Variants in SULF1 observed in about 807,000 individuals in gnomAD.
SULF1 encodes sulfatase 1, also known as extracellular sulfatase Sulf-1.
Under a neutral mutation model 110.5 loss-of-function variants are expected in SULF1, and 46 were observed. The ratio of observed to expected loss-of-function variants is 0.42; its 90% CI spans 0.33 to 0.53. SULF1 has a LOEUF of 0.53. Ranked by LOEUF, SULF1 falls within the 20% of genes least tolerant of loss-of-function variation. The pLI is 0.12. For synonymous variants in SULF1, 371 were observed against 387.1 expected, an observed-to-expected ratio of 0.96 and a Z score of 0.49; for missense variants, 941 against 1,094.2, an observed-to-expected ratio of 0.86 and a Z score of 1.98.
chr8:69,506,002 C>T (rs755317382), intron 3 of SULF1, among the ~76,000 whole-genome samples: 1 of 151,686 alleles, frequency 6.6e-6, no homozygotes, highest in South Asian at 2.1e-4. Context: ...TATTGTTGGC[C>T]TACAAAAGCA....
At chr8:69,516,268 G>A (rs1232481612) in intron 3 of SULF1, among the ~76,000 whole-genome samples, 7 of 152,126 alleles carry the variant, frequency 4.6e-5, no homozygotes, top group African/African-American at 1.7e-4. Context: ...CATGGTTGGG[G>A]GAGGCCTCAG....
chr8:69,532,255 A>G (rs1813138136), intron 3 of SULF1, among the ~76,000 whole-genome samples: 1 of 152,220 alleles, frequency 6.6e-6, no homozygotes, highest in African/African-American at 2.4e-5. Flanking sequence ...TGGTCTTGTA[A>G]GGAAACAAGT....
At chr8:69,477,654 C>T (rs1273866883) in intron 1 of SULF1, among the ~76,000 whole-genome samples, 1 of 152,092 alleles carries the variant, frequency 6.6e-6, no homozygotes, top group Non-Finnish European at 1.5e-5. Context: ...CAGGGTGGTA[C>T]AGTGGAAAGA....
intron 6 of SULF1, among the ~76,000 whole-genome samples, chr8:69,576,463 A>G (rs911941003): frequency 7.9e-5 from 12 of 152,222 alleles, no homozygotes; most frequent in African/African-American, 2.7e-4. Flanking sequence ...TTGTTCATTC[A>G]TAATTAATAG....
At chr8:69,531,187 A>C (rs1813058135) in intron 3 of SULF1, among the ~76,000 whole-genome samples, 1 of 152,216 alleles carries the variant, frequency 6.6e-6, no homozygotes. Context: ...GAACATGCCT[A>C]GCTCATGCCT....
At chr8:69,508,769 T>A (rs1811363499) in intron 3 of SULF1, among the ~76,000 whole-genome samples, 1 of 152,152 alleles carries the variant, frequency 6.6e-6, no homozygotes, top group East Asian at 1.9e-4. Flanking sequence ...CCCAGGAGAT[T>A]AAATCCATCC....
chr8:69,579,632 G>T (rs1805924973), intron 6 of SULF1, among the ~76,000 whole-genome samples: 2 of 151,348 alleles, frequency 1.3e-5, no homozygotes, highest in Admixed American at 6.6e-5. Flanking sequence ...ATTTATCCTT[G>T]ATGGGAAAAC....
intron 13 of SULF1, among the ~76,000 whole-genome samples, chr8:69,617,101 T>C (rs949523939): frequency 6.6e-6 from 1 of 151,996 alleles, no homozygotes; most frequent in Non-Finnish European, 1.5e-5. Flanking sequence ...TCCCAAACTT[T>C]GCAAAGTTAC....
intron 8 of SULF1, among the ~76,000 whole-genome samples, chr8:69,595,774 T>C (rs1807260967): frequency 6.6e-6 from 1 of 152,178 alleles, no homozygotes; most frequent in Non-Finnish European, 1.5e-5. Context: ...ACTAGAAATA[T>C]ATTAATTTTC....
At chr8:69,520,582 G>A (rs886430237) in intron 3 of SULF1, among the ~76,000 whole-genome samples, 2 of 152,138 alleles carry the variant, frequency 1.3e-5, no homozygotes, top group African/African-American at 2.4e-5. Context: ...GACATTTAAA[G>A]AATAATGATT....
At position 69,578,097 on chromosome 8, in the gene SULF1, T is replaced by C. The variant is rs761514796; in HGVS notation, c.412+1888T>C. ...AGCATCCAGATGTTAAGAGCAAAAA[T>C]GGAAACACCATCCATTGTAAAGTTC... is the stretch of plus-strand genomic sequence containing the variant. On this transcript the variant is annotated intron_variant, in intron 6 of 22. Transcript: ENST00000402687. Among the ~76,000 whole-genome samples the C allele has an allele frequency of 1.1e-3, 160 of 152,030 alleles. 1 individual carries two copies. Among genetic ancestry groups the C allele is most frequent in the Non-Finnish European group, 1.8e-3 (124 of 67,954 alleles).
Position 69,589,088 on chromosome 8 carries a change from C to T in SULF1, c.681C>T (p.Pro227=), listed in dbSNP as rs780642053. ...TCAGCCACGCTGCGCCCCACGGCCC[C>T]GAGGACTCAGCCCCACAGTTTTCTA... ...MVISHAAPHG[P]EDSAPQFSKL... The change falls in exon 8 of 23, where the codon CCC becomes CCT. Residue 227 remains proline (P), a synonymous_variant. Coordinates refer to ENST00000402687, the MANE Select transcript of SULF1 (RefSeq NM_001128205.2). 2 of 1,614,188 alleles carry T rather than the reference C, an allele frequency of 1.2e-6. No homozygotes were observed. The highest frequency in any genetic ancestry group is 1.1e-5 in the South Asian group (1 of 91,078).
rs1236220035 is a variant in SULF1 at position 69,576,091 on chromosome 8, GTA to G, written c.296_297del (p.Tyr99CysfsTer23). On this transcript the variant is annotated frameshift_variant, in exon 6 of 23. Coordinates refer to ENST00000402687, the MANE Select transcript of SULF1 (RefSeq NM_001128205.2). LOFTEE classifies it high-confidence loss of function. ...PSRSSMLTGK[Y>X]VHNHNVYTNN... The stretch of plus-strand genomic sequence containing the variant: ...CACGGTCCTCCATGCTCACCGGGAA[GTA>G]TGTGCACAATCACAATGTCTACACC... 6.2e-7 allele frequency: 1 copy of G among 1,614,070 alleles called. No individual in the cohort carries two copies. The highest frequency in any genetic ancestry group is 8.5e-7 in the Non-Finnish European group (1 of 1,180,042).
At chr8:69,533,073 G>C (rs1358198924) in intron 3 of SULF1, among the ~76,000 whole-genome samples, 2 of 152,260 alleles carry the variant, frequency 1.3e-5, no homozygotes, top group East Asian at 3.9e-4. Flanking sequence ...GCCTCTAATA[G>C]TTTTCTGTAT....
At chr8:69,580,804 A>G (rs1020806434) in intron 6 of SULF1, among the ~76,000 whole-genome samples, 1 of 152,214 alleles carries the variant, frequency 6.6e-6, no homozygotes, top group African/African-American at 2.4e-5. Context: ...AATCAAAATC[A>G]TAGACCTTAG....
chr8:69,470,790 G>T (rs977411134), intron 1 of SULF1, among the ~76,000 whole-genome samples: 1 of 152,058 alleles, frequency 6.6e-6, no homozygotes, highest in African/African-American at 2.4e-5. Context: ...TCTATTATTT[G>T]GCCCGAACTT....
intron 5 of SULF1, among the ~76,000 whole-genome samples, chr8:69,573,032 G>A (rs1026578113): frequency 2.6e-5 from 4 of 152,124 alleles, no homozygotes; most frequent in African/African-American, 4.8e-5. Flanking sequence ...TTACCATGTC[G>A]GCCAGACTGG....
chr8:69,486,693 G>A (rs558591378), intron 1 of SULF1, among the ~76,000 whole-genome samples: 3 of 152,258 alleles, frequency 2.0e-5, no homozygotes, highest in East Asian at 3.9e-4. Context: ...ACACACAGCC[G>A]AGTCTATACA....
chr8:69,510,987 T>C (rs997082123), intron 3 of SULF1, among the ~76,000 whole-genome samples: 120 of 125,606 alleles, frequency 9.6e-4, no homozygotes, highest in African/African-American at 2.6e-3. Flanking sequence ...CACACACACA[T>C]ATTGTCAATG....
Sources: gnomAD v4.1 joint callset for allele counts (sites outside exome capture counted in the v4.1 genomes callset) on GRCh38, gnomAD v4.1.1 for gene constraint, MANE v1.5 for transcripts, NCBI Gene and HGNC (gene_info 2026-07-23, HGNC 2026-07-21) for gene names.